FLRT2: variants seen among roughly 807,000 people sequenced by gnomAD.
The protein encoded by FLRT2 is leucine-rich repeat transmembrane protein FLRT2.
A neutral mutation model predicts 40.0 loss-of-function variants in FLRT2; 15 were observed. That is an observed-to-expected ratio of 0.38 (90% CI 0.25 to 0.58). FLRT2 has a LOEUF of 0.58. Ranked by LOEUF, FLRT2 falls within the 20% of genes least tolerant of loss-of-function variation. FLRT2 has a pLI of 0.71. For synonymous variants in FLRT2, 380 were observed against 336.8 expected, an observed-to-expected ratio of 1.13 and a Z score of -1.41; for missense variants, 726 against 840.0, an observed-to-expected ratio of 0.86 and a Z score of 1.68.
At position 85,629,844 on chromosome 14, in the gene FLRT2, G is replaced by C. The variant is rs1360993855; in HGVS notation, c.*6347G>C. On this transcript the variant is annotated 3_prime_UTR_variant, in exon 2 of 2. Transcript: ENST00000330753. ...AAAATTCTTGTCTTTTAAAGCCCTTGGTCATCCATTCCTATTTTTTATAAA... is the reference window on the plus strand; with the variant it reads ...AAAATTCTTGTCTTTTAAAGCCCTTCGTCATCCATTCCTATTTTTTATAAA... 6.6e-6 allele frequency: 1 copy of C among 152,030 alleles called. No homozygotes were observed. The highest frequency in any genetic ancestry group is 6.6e-5 in the Admixed American group (1 of 15,258). 9.4% of individuals were successfully genotyped at this position (152,030 alleles called of 1,614,324 possible). A position where few individuals can be genotyped will look rare whatever the true frequency, so the allele number is the denominator to read the frequency against.
intron 1 of FLRT2, among the ~76,000 whole-genome samples, chr14:85,613,752 C>G (rs918405540): frequency 6.6e-6 from 1 of 152,144 alleles, no homozygotes; most frequent in African/African-American, 2.4e-5. Context: ...TACAGAGAAG[C>G]AGGACAGAGG....
chr14:85,586,864 G>A (rs117446748), intron 1 of FLRT2, among the ~76,000 whole-genome samples: 3,689 of 152,256 alleles, frequency 0.024, 76 homozygotes, highest in Non-Finnish European at 0.04. Flanking sequence ...GTACAGTGGG[G>A]TCATGCTATT....
At chr14:85,604,877 A>G (rs1892537782) in intron 1 of FLRT2, among the ~76,000 whole-genome samples, 1 of 152,156 alleles carries the variant, frequency 6.6e-6, no homozygotes, top group Non-Finnish European at 1.5e-5. Context: ...GAAGGAAAAT[A>G]GGAAGACATT....
chr14:85,592,830 C>G (rs960769099), intron 1 of FLRT2, among the ~76,000 whole-genome samples: 1 of 150,250 alleles, frequency 6.7e-6, no homozygotes, highest in Admixed American at 6.6e-5. Flanking sequence ...AACCTGGAAC[C>G]GCATGAATTC....
intron 1 of FLRT2, among the ~76,000 whole-genome samples, chr14:85,565,086 A>G (rs1890558845): frequency 6.6e-6 from 1 of 152,228 alleles, no homozygotes; most frequent in South Asian, 2.1e-4. Flanking sequence ...ATTTTAAACC[A>G]GATTTCCATT....
intron 1 of FLRT2, among the ~76,000 whole-genome samples, chr14:85,604,482 A>G (rs1224183825): frequency 6.6e-6 from 1 of 152,106 alleles, no homozygotes; most frequent in African/African-American, 2.4e-5. Flanking sequence ...TGAACATCAT[A>G]ATTCACAGTA....
chr14:85,608,483 C>T (rs1892724618), intron 1 of FLRT2, among the ~76,000 whole-genome samples: 2 of 152,154 alleles, frequency 1.3e-5, no homozygotes, highest in South Asian at 4.1e-4. Context: ...ATCCACCCGC[C>T]TCGGCTTCCC....
intron 1 of FLRT2, among the ~76,000 whole-genome samples, chr14:85,556,097 A>G (rs1286824527): frequency 1.3e-5 from 2 of 152,226 alleles, no homozygotes; most frequent in African/African-American, 2.4e-5. Context: ...AGGCTTGCAT[A>G]AAACTACATG....
At chr14:85,533,636 C>T (rs1888440356) in intron 1 of FLRT2, among the ~76,000 whole-genome samples, 1 of 151,930 alleles carries the variant, frequency 6.6e-6, no homozygotes, top group Admixed American at 6.5e-5. Context: ...GGAGAGAAGG[C>T]GGGGGTCGCG....
At position 85,645,137 on chromosome 14, in the gene FLRT2, G is replaced by A. The variant is rs1894261125; in HGVS notation, c.*21640G>A. ...TTGGGCAGCAGAACTCCTACATCAA[G>A]TAAAAAGTATATATATACACACATA... On this transcript the variant is annotated 3_prime_UTR_variant, in exon 2 of 2. Coordinates refer to ENST00000330753, the MANE Select transcript of FLRT2 (RefSeq NM_013231.6). 6.9e-6 allele frequency: 1 copy of A among 143,906 alleles called. No homozygotes were observed. The highest frequency in any genetic ancestry group is 2.6e-5 in the African/African-American group (1 of 38,912). The allele number at this position is 143,906 out of a possible 1,614,324, so 8.9% of individuals were successfully genotyped here.
At chr14:85,556,247 G>T (rs958462256) in intron 1 of FLRT2, among the ~76,000 whole-genome samples, 2 of 152,128 alleles carry the variant, frequency 1.3e-5, no homozygotes, top group Non-Finnish European at 2.9e-5. Flanking sequence ...GCTTATAGGG[G>T]TATATGCATG....
At chr14:85,563,392 T>C (rs1412608860) in intron 1 of FLRT2, among the ~76,000 whole-genome samples, 1 of 152,200 alleles carries the variant, frequency 6.6e-6, no homozygotes, top group East Asian at 1.9e-4. Context: ...TGTAATAAGC[T>C]ACCTGAAACT....
chr14:85,637,025 T>C lies in FLRT2; in HGVS notation c.*13528T>C, dbSNP rs1427263318. On this transcript the variant is annotated 3_prime_UTR_variant, in exon 2 of 2. Transcript: ENST00000330753. Reference sequence around the variant, plus strand: ...AAAAACACATTTTACAAAACAATAATCTAAGTGGGCAAGTAAATACTGGTG... The same window carrying C: ...AAAAACACATTTTACAAAACAATAACCTAAGTGGGCAAGTAAATACTGGTG... 1 of 144,952 alleles carries C rather than the reference T, an allele frequency of 6.9e-6. No homozygotes were observed. The highest frequency in any genetic ancestry group is 2.6e-5 in the African/African-American group (1 of 38,934). The allele number at this position is 144,952 out of a possible 1,614,324, so 9.0% of individuals were successfully genotyped here. A position where few individuals can be genotyped will look rare whatever the true frequency, so the allele number is the denominator to read the frequency against.
rs1894428190 is a variant in FLRT2 at position 85,651,279 on chromosome 14, G to GTA, written c.*27783_*27784insAT. The GTA allele has an allele frequency of 1.3e-5, 2 of 151,960 alleles. No individual in the cohort carries two copies. Among genetic ancestry groups the GTA allele is most frequent in the African/African-American group, 4.8e-5 (2 of 41,390 alleles). The allele number at this position is 151,960 out of a possible 1,614,324, so 9.4% of individuals were successfully genotyped here. On this transcript the variant is annotated 3_prime_UTR_variant, in exon 2 of 2. Transcript: ENST00000330753. Reference sequence around the variant, plus strand: ...CGTTTGTTTGTGTGTGTGTGTGTGTGTGTGTGTGTGTATTTGTTGTGATTT... The same window carrying GTA: ...CGTTTGTTTGTGTGTGTGTGTGTGTGTATGTGTGTGTGTATTTGTTGTGATTT...
chr14:85,617,836 C>T (rs1351450512), intron 1 of FLRT2, among the ~76,000 whole-genome samples: 2 of 152,170 alleles, frequency 1.3e-5, no homozygotes, highest in African/African-American at 4.8e-5. Flanking sequence ...TTGAACTTGT[C>T]ATAGCCGATC....
chr14:85,613,351 T>C (rs1892982334), intron 1 of FLRT2, among the ~76,000 whole-genome samples: 1 of 152,182 alleles, frequency 6.6e-6, no homozygotes, highest in Non-Finnish European at 1.5e-5. Context: ...TGATGTTATT[T>C]GGTTAAAACA....
chr14:85,650,321 A>T lies in FLRT2; in HGVS notation c.*26824A>T, dbSNP rs1894404334. 1 of 151,834 alleles carries T rather than the reference A, an allele frequency of 6.6e-6. No homozygotes were observed. The highest frequency in any genetic ancestry group is 1.5e-5 in the Non-Finnish European group (1 of 67,930). The allele number at this position is 151,834 out of a possible 1,614,324, so 9.4% of individuals were successfully genotyped here. A position where few individuals can be genotyped will look rare whatever the true frequency, so the allele number is the denominator to read the frequency against. On this transcript the variant is annotated 3_prime_UTR_variant, in exon 2 of 2. Coordinates refer to ENST00000330753, the MANE Select transcript of FLRT2 (RefSeq NM_013231.6). Reference sequence around the variant, plus strand: ...TACAGTATAATATGTTATTGTATAGATACATATATATTTAAAATATATAGG... The same window carrying T: ...TACAGTATAATATGTTATTGTATAGTTACATATATATTTAAAATATATAGG...
At chr14:85,533,534 C>T (rs1371132976) in intron 1 of FLRT2, among the ~76,000 whole-genome samples, 4 of 152,094 alleles carry the variant, frequency 2.6e-5, no homozygotes, top group African/African-American at 7.2e-5. Context: ...GGAGCTCCGG[C>T]GCCGCGGGGC....
At chr14:85,543,499 G>A (rs1889097308) in intron 1 of FLRT2, among the ~76,000 whole-genome samples, 1 of 150,188 alleles carries the variant, frequency 6.7e-6, no homozygotes, top group South Asian at 2.1e-4. Flanking sequence ...CCATTGTACT[G>A]TTTTTGGTGT....
Sources: allele counts gnomAD v4.1 joint callset (sites outside exome capture counted in the v4.1 genomes callset), GRCh38; gene constraint gnomAD v4.1.1; transcripts MANE v1.5; gene names NCBI Gene and HGNC (gene_info 2026-07-23, HGNC 2026-07-21).